FREM3: variants seen among roughly 807,000 people sequenced by gnomAD.
The protein encoded by FREM3 is FRAS1 related extracellular matrix 3, also known as FRAS1-related extracellular matrix protein 3.
FREM3 carries 105 observed loss-of-function variants against 129.1 expected under a neutral mutation model. That is an observed-to-expected ratio of 0.81 (90% CI 0.69 to 0.96). The LOEUF is 0.96. FREM3 is among the 40% of genes least tolerant of loss of function. The pLI, the probability that FREM3 is intolerant of heterozygous loss-of-function variation, is 0.00. For missense variants in FREM3, 2,593 were observed against 2,666.3 expected (o/e 0.97, Z 0.61); for synonymous variants, 1,014 against 1,044.9 (o/e 0.97, Z 0.57).
At chr4:143,669,281 T>A (rs1180697294) in intron 2 of FREM3, among the ~76,000 whole-genome samples, 2 of 152,168 alleles carry the variant, frequency 1.3e-5, no homozygotes, top group Admixed American at 6.5e-5. Flanking sequence ...TTCTTAGCTG[T>A]GCTTTTAATT....
rs748622688 is a variant in FREM3, at chr4:143,696,142, C to A, written c.4534G>T (p.Glu1512Ter). 4.6e-6 allele frequency: 7 copies of A among 1,537,400 alleles called. No homozygotes were observed. Among genetic ancestry groups the A allele is most frequent in the Non-Finnish European group, 6.1e-6 (7 of 1,146,982 alleles). ...SNDEKKMDSF[E>*]FQVIGELYPV... Reference sequence around the variant, plus strand: ...TAGAGTTCGCCGATCACTTGAAATTCGAAGCTGTCCATCTTTTTCTCATCA... The same window carrying A: ...TAGAGTTCGCCGATCACTTGAAATTAGAAGCTGTCCATCTTTTTCTCATCA... The change falls in exon 1 of 8, where the codon GAA becomes TAA. Residue 1512 changes from glutamate (E) to a stop codon, truncating the protein, a stop_gained. Transcript: ENST00000329798. LOFTEE classifies it high-confidence loss of function.
chr4:143,647,940 G>T (rs185926416), intron 2 of FREM3, among the ~76,000 whole-genome samples: 1 of 152,162 alleles, frequency 6.6e-6, no homozygotes, highest in Non-Finnish European at 1.5e-5. Context: ...AGCTTACACC[G>T]TGTGCCTGGA....
intron 6 of FREM3, among the ~76,000 whole-genome samples, chr4:143,596,037 A>G (rs1048741153): frequency 6.6e-6 from 1 of 152,124 alleles, no homozygotes; most frequent in African/African-American, 2.4e-5. Context: ...AGGAACAAAG[A>G]CACATAAGCA....
intron 7 of FREM3, among the ~76,000 whole-genome samples, chr4:143,579,409 C>T (rs1738095148): frequency 6.6e-6 from 1 of 152,130 alleles, no homozygotes; most frequent in Admixed American, 6.5e-5. Flanking sequence ...GCTGAGATCA[C>T]GCCACTGTAC....
chr4:143,699,891 C>G lies in FREM3; in HGVS notation c.785G>C (p.Arg262Pro), dbSNP rs1339828831. ...CTCCACCATCATGGGCACGTAGTCACGGTTGGGCGAGGAGGTGGCTGTGTG... is the reference window on the plus strand; with the variant it reads ...CTCCACCATCATGGGCACGTAGTCAGGGTTGGGCGAGGAGGTGGCTGTGTG... ...YQHTATSSPN[R>P]DYVPMMVELL... Residue 262 changes from arginine (R) to proline (P), a missense_variant, in exon 1 of 8, where the codon CGT becomes CCT. Physicochemically the swap from Arg to Pro is moderately radical, Grantham distance 103. This residue lies in a region of FREM3 where 2,276 missense variants were observed against 2,267.2 expected (regional missense o/e 1.00). Coordinates refer to ENST00000329798, the MANE Select transcript of FREM3 (RefSeq NM_001168235.2). This position sits in a 1 kb window ranked among gnomAD's most constrained non-coding sequence, Gnocchi z 4.2. 9.8e-6 allele frequency: 15 copies of G among 1,536,704 alleles called. No homozygotes were observed. Among genetic ancestry groups the G allele is most frequent in the Non-Finnish European group, 1.3e-5 (15 of 1,146,828 alleles).
chr4:143,677,112 T>C (rs1740149422), intron 2 of FREM3, among the ~76,000 whole-genome samples: 1 of 152,142 alleles, frequency 6.6e-6, no homozygotes, highest in South Asian at 2.1e-4. Context: ...AGAACAAAGC[T>C]GGAGGCATCA....
In FREM3 at chr4:143,695,844, T is replaced by G; in HGVS notation, c.4832A>C (p.Asp1611Ala). The G allele has an allele frequency of 6.5e-7, 1 of 1,537,416 alleles. No individual in the cohort carries two copies. Among genetic ancestry groups the G allele is most frequent in the Non-Finnish European group, 8.7e-7 (1 of 1,146,950 alleles). Residue 1611 changes from aspartate (D) to alanine (A), a missense_variant, in exon 1 of 8, where the codon GAC becomes GCC. Physicochemically the swap from Asp to Ala is moderately radical, Grantham distance 126. This residue lies in a region of FREM3 where 2,276 missense variants were observed against 2,267.2 expected (regional missense o/e 1.00). Transcript: ENST00000329798. ...LNKNLISYKHDGSETTEDSFS... is the reference protein window; with the variant it reads ...LNKNLISYKHAGSETTEDSFS... The stretch of plus-strand genomic sequence containing the variant: ...ACTATCTTCAGTGGTCTCACTGCCG[T>G]CATGCTTGTAGCTAATCAGGTTCTT...
intron 2 of FREM3, among the ~76,000 whole-genome samples, chr4:143,678,064 C>A (rs1740177720): frequency 6.6e-6 from 1 of 152,202 alleles, no homozygotes; most frequent in Non-Finnish European, 1.5e-5. Flanking sequence ...GAATATAAAT[C>A]ATGCTGCTAT....
chr4:143,665,346 A>C (rs1739838983), intron 2 of FREM3, among the ~76,000 whole-genome samples: 1 of 152,064 alleles, frequency 6.6e-6, no homozygotes, highest in Admixed American at 6.6e-5. Flanking sequence ...TTACCATAGC[A>C]TTTACCCTGC....
chr4:143,680,228 A>G (rs1297313658), intron 2 of FREM3, among the ~76,000 whole-genome samples: 1 of 151,246 alleles, frequency 6.6e-6, no homozygotes, highest in Non-Finnish European at 1.5e-5. Flanking sequence ...ATATATATAT[A>G]TATGTATATA....
At chr4:143,687,460 T>C (rs1278668800) in intron 2 of FREM3, among the ~76,000 whole-genome samples, 1 of 152,172 alleles carries the variant, frequency 6.6e-6, no homozygotes, top group African/African-American at 2.4e-5. Flanking sequence ...CCAATTATTT[T>C]GACACTATTC....
intron 5 of FREM3, among the ~76,000 whole-genome samples, chr4:143,613,842 G>T (rs527564565): frequency 6.6e-6 from 1 of 152,104 alleles, no homozygotes; most frequent in Admixed American, 6.5e-5. Context: ...CACTAGGCTC[G>T]CATAGTAACT....
chr4:143,612,415 G>C (rs1405564424), intron 5 of FREM3, among the ~76,000 whole-genome samples: 2 of 152,142 alleles, frequency 1.3e-5, no homozygotes, highest in Non-Finnish European at 2.9e-5. Context: ...TTTTATTGCT[G>C]ACTATTGTTT....
chr4:143,665,824 C>T (rs1349457103), intron 2 of FREM3, among the ~76,000 whole-genome samples: 1 of 152,116 alleles, frequency 6.6e-6, no homozygotes, highest in Non-Finnish European at 1.5e-5. Flanking sequence ...TCAAAGTGTA[C>T]TCATCTAACT....
At position 143,596,343 on chromosome 4, in the gene FREM3, T is replaced by C. The variant is rs544808093; in HGVS notation, c.6029-10350A>G. Among the ~76,000 whole-genome samples the C allele has an allele frequency of 3.9e-5, 6 of 152,218 alleles. No homozygotes were observed. The South Asian group carries it at 8.3e-4, about 21-fold the overall frequency. On this transcript the variant is annotated intron_variant, in intron 6 of 7. Coordinates refer to ENST00000329798, the MANE Select transcript of FREM3 (RefSeq NM_001168235.2). ...TTATTCATGTGAGACATGATGATGATTGATGATACTACTAGTAGGCAGTAG... is the reference window on the plus strand; with the variant it reads ...TTATTCATGTGAGACATGATGATGACTGATGATACTACTAGTAGGCAGTAG...
intron 2 of FREM3, among the ~76,000 whole-genome samples, chr4:143,669,331 G>T (rs952249280): frequency 6.6e-6 from 1 of 152,110 alleles, no homozygotes; most frequent in Non-Finnish European, 1.5e-5. Flanking sequence ...TTAGAGAGAG[G>T]GTCTAGCTCT....
chr4:143,594,128 C>A (rs1470847360), intron 6 of FREM3, among the ~76,000 whole-genome samples: 1 of 152,212 alleles, frequency 6.6e-6, no homozygotes, highest in Non-Finnish European at 1.5e-5. Flanking sequence ...CCGTCTGTCA[C>A]CCCTTTCTTT....
chr4:143,580,074 A>G (rs1738104459), intron 7 of FREM3, among the ~76,000 whole-genome samples: 2 of 152,326 alleles, frequency 1.3e-5, no homozygotes, highest in South Asian at 4.1e-4. Context: ...ACAGTGAGAA[A>G]TGACCCTGTC....
intron 2 of FREM3, among the ~76,000 whole-genome samples, chr4:143,658,849 T>C (rs577432138): frequency 1.3e-5 from 2 of 152,246 alleles, no homozygotes; most frequent in East Asian, 3.9e-4. Flanking sequence ...TGGAGCATGC[T>C]CACTACTTCA....
Sources: gnomAD v4.1 joint callset for allele counts (sites outside exome capture counted in the v4.1 genomes callset) on GRCh38, gnomAD v4.1.1 for gene constraint, gnomAD v4.1.1 regional missense constraint, Gnocchi (gnomAD v3.1) non-coding constraint, MANE v1.5 for transcripts, NCBI Gene and HGNC (gene_info 2026-07-23, HGNC 2026-07-21) for gene names.